The following CSMD3 variants were observed in gnomAD, a reference collection of about 807,000 sequenced individuals.
The protein encoded by CSMD3 is CUB and sushi domain-containing protein 3.
CSMD3 carries 177 observed loss-of-function variants against 435.2 expected under a neutral mutation model. The observed-to-expected ratio is 0.41, with a 90% confidence interval of 0.36 to 0.46. The LOEUF (loss-of-function observed/expected upper bound fraction) is 0.46, where lower values mean the gene tolerates loss of function less well. Ranked by LOEUF, CSMD3 falls within the 20% of genes least tolerant of loss-of-function variation. The pLI, the probability that CSMD3 is intolerant of heterozygous loss-of-function variation, is 0.34. For missense variants in CSMD3, 4,265 were observed against 4,504.6 expected (o/e 0.95, Z 1.52); for synonymous variants, 1,656 against 1,520.5 (o/e 1.09, Z -2.07).
chr8:112,284,473 C>T (rs1337876076), intron 58 of CSMD3, among the ~76,000 whole-genome samples: 1 of 151,666 alleles, frequency 6.6e-6, no homozygotes, highest in Admixed American at 6.6e-5. Flanking sequence ...TATCATTTCT[C>T]ATGGTTCTAA....
intron 7 of CSMD3, among the ~76,000 whole-genome samples, chr8:112,955,370 A>C (rs2130836345): frequency 6.6e-6 from 1 of 151,836 alleles, no homozygotes; most frequent in Non-Finnish European, 1.5e-5. Context: ...AGCCCATCTA[A>C]AATATCTTAC....
intron 13 of CSMD3, among the ~76,000 whole-genome samples, chr8:112,780,779 G>A (rs1368053738): frequency 3.3e-5 from 5 of 152,018 alleles, no homozygotes; most frequent in African/African-American, 1.2e-4. Context: ...GACCAATCCT[G>A]GCCAGAAGGG....
chr8:112,422,544 C>T lies in CSMD3; in HGVS notation c.5396-13512G>A, dbSNP rs1165378912. On this transcript the variant is annotated intron_variant, in intron 32 of 70. Coordinates refer to ENST00000297405, the MANE Select transcript of CSMD3 (RefSeq NM_198123.2). ...AACCCAGATTTGACAAGCTTTGCTA[C>T]TTCCTGGTGTGTGCCCTTGAACATG... is the stretch of plus-strand genomic sequence containing the variant. Among the ~76,000 whole-genome samples the T allele has an allele frequency of 2.6e-5, 4 of 152,178 alleles. 1 individual carries two copies.
At chr8:112,301,261 T>G (rs879547030) in intron 53 of CSMD3, among the ~76,000 whole-genome samples, 3 of 152,086 alleles carry the variant, frequency 2.0e-5, no homozygotes, top group Non-Finnish European at 4.4e-5. Flanking sequence ...CTGAAGATTT[T>G]TTATAATAAA....
chr8:112,875,822 C>CT (rs1336198395), intron 10 of CSMD3, among the ~76,000 whole-genome samples: 1 of 151,982 alleles, frequency 6.6e-6, no homozygotes, highest in Non-Finnish European at 1.5e-5. Context: ...TTCCTCCAGC[C>CT]TTTTTTCAAG....
At chr8:112,886,677 G>T (rs1417366370) in intron 10 of CSMD3, among the ~76,000 whole-genome samples, 1 of 151,210 alleles carries the variant, frequency 6.6e-6, no homozygotes, top group African/African-American at 2.4e-5. Context: ...GATAAATATA[G>T]TTGTCCTATT....
chr8:113,242,244 C>T lies in CSMD3; in HGVS notation c.514+36348G>A, dbSNP rs143392481. On this transcript the variant is annotated intron_variant, in intron 3 of 70. Transcript: ENST00000297405. ...CTTGATTCTTAGGCACATATACCTA[C>T]TCATGTACATTTTACCTTAATGAAC... is the stretch of plus-strand genomic sequence containing the variant. Among the ~76,000 whole-genome samples, 1,001 of 151,918 alleles carry T rather than the reference C, an allele frequency of 6.6e-3. 11 individuals carry two copies. The highest frequency in any genetic ancestry group is 0.022 in the African/African-American group (900 of 41,504).
intron 64 of CSMD3, among the ~76,000 whole-genome samples, chr8:112,245,130 A>G (rs888263378): frequency 6.6e-6 from 1 of 152,092 alleles, no homozygotes; most frequent in Non-Finnish European, 1.5e-5. Flanking sequence ...TAATTTTTTT[A>G]CATATGGAAT....
intron 13 of CSMD3, among the ~76,000 whole-genome samples, chr8:112,707,592 A>G (rs1373135755): frequency 6.6e-6 from 1 of 151,984 alleles, no homozygotes; most frequent in African/African-American, 2.4e-5. Context: ...AAAAACAACA[A>G]TATAATACTA....
chr8:112,762,704 C>T (rs1319026853), intron 13 of CSMD3, among the ~76,000 whole-genome samples: 2 of 151,752 alleles, frequency 1.3e-5, no homozygotes, highest in Non-Finnish European at 2.9e-5. Context: ...TAGGAAATTA[C>T]ATAATCAAAG....
chr8:112,632,904 G>A (rs1199955258), intron 22 of CSMD3, among the ~76,000 whole-genome samples: 4 of 151,732 alleles, frequency 2.6e-5, no homozygotes, highest in East Asian at 1.9e-4. Flanking sequence ...ATTCATTCCT[G>A]AGAAACATGG....
At chr8:112,588,570 A>G (rs1830922908) in intron 22 of CSMD3, among the ~76,000 whole-genome samples, 1 of 152,100 alleles carries the variant, frequency 6.6e-6, no homozygotes, top group Non-Finnish European at 1.5e-5. Flanking sequence ...GCTGCGTACA[A>G]TTATAATACC....
At chr8:113,010,174 A>G (rs2086204920) in intron 6 of CSMD3, among the ~76,000 whole-genome samples, 1 of 151,606 alleles carries the variant, frequency 6.6e-6, no homozygotes, top group African/African-American at 2.4e-5. Context: ...GCAGAAGTAG[A>G]TCCCTACAAA....
intron 32 of CSMD3, among the ~76,000 whole-genome samples, chr8:112,452,915 C>T (rs1816446348): frequency 6.6e-6 from 1 of 152,120 alleles, no homozygotes; most frequent in South Asian, 2.1e-4. Flanking sequence ...AAATCAACTA[C>T]AGTTAAGAGA....
chr8:113,006,052 A>G (rs1283911338), intron 6 of CSMD3, among the ~76,000 whole-genome samples: 1 of 152,054 alleles, frequency 6.6e-6, no homozygotes, highest in Non-Finnish European at 1.5e-5. Context: ...CCATAACTTC[A>G]AGACTACAAG....
intron 29 of CSMD3, 116 bp from the exon 30 acceptor site, chr8:112,504,093 A>G: frequency 1.6e-6 from 1 of 630,004 alleles, no homozygotes. Flanking sequence ...AAAATAATAA[A>G]AGACGCTGTC....
chr8:112,250,839 T>G (rs1050344935), intron 63 of CSMD3, among the ~76,000 whole-genome samples: 8 of 151,852 alleles, frequency 5.3e-5, no homozygotes, highest in African/African-American at 1.9e-4. Flanking sequence ...TAAATTGATT[T>G]AAAGTACCAT....
At chr8:113,085,015 C>T (rs1467648584) in intron 5 of CSMD3, among the ~76,000 whole-genome samples, 1 of 151,906 alleles carries the variant, frequency 6.6e-6, no homozygotes, top group East Asian at 1.9e-4. Context: ...TATAAAACTA[C>T]TAGAAGAATG....
chr8:112,856,349 T>C (rs1371351909), intron 11 of CSMD3, among the ~76,000 whole-genome samples: 1 of 151,926 alleles, frequency 6.6e-6, no homozygotes, highest in Non-Finnish European at 1.5e-5. Flanking sequence ...TGTTTAATGT[T>C]TTAGAATAAG....
Sources: allele counts gnomAD v4.1 joint callset (sites outside exome capture counted in the v4.1 genomes callset), GRCh38; gene constraint gnomAD v4.1.1; transcripts MANE v1.5; gene names NCBI Gene and HGNC (gene_info 2026-07-23, HGNC 2026-07-21).